SLC12A2: variants seen among roughly 807,000 people sequenced by gnomAD.
The protein encoded by SLC12A2 is solute carrier family 12 member 2, also known as Na-K-2Cl cotransporter 1.
Under a neutral mutation model 136.3 loss-of-function variants are expected in SLC12A2, and 67 were observed. The observed-to-expected ratio is 0.49, with a 90% CI of 0.40 to 0.60. SLC12A2 has a LOEUF of 0.60. Ranked by LOEUF, SLC12A2 falls within the 20% of genes least tolerant of loss-of-function variation. SLC12A2 has a pLI of 0.00. For missense variants in SLC12A2, 1,322 were observed against 1,534.7 expected (o/e 0.86, Z 2.32); for synonymous variants, 619 against 562.9 (o/e 1.10, Z -1.41).
At chr5:128,179,235 C>T (rs1242574235) in intron 22 of SLC12A2, among the ~76,000 whole-genome samples, 1 of 152,166 alleles carries the variant, frequency 6.6e-6, no homozygotes, top group East Asian at 1.9e-4. Flanking sequence ...ATTCTTGCAG[C>T]CTTCACCACT....
At chr5:128,161,572 C>A in intron 16 of SLC12A2, 88 bp from the exon 17 acceptor site, 1 of 793,558 alleles carries the variant, frequency 1.3e-6, no homozygotes, top group Non-Finnish European at 1.7e-6. Flanking sequence ...TCACCTGTTT[C>A]AAGCCAGTAT....
intron 5 of SLC12A2, among the ~76,000 whole-genome samples, chr5:128,131,909 G>T (rs1456499884): frequency 1.3e-5 from 2 of 152,194 alleles, no homozygotes; most frequent in Non-Finnish European, 2.9e-5. Flanking sequence ...GGAGGCTGAG[G>T]CAGGGGAATT....
intron 1 of SLC12A2, among the ~76,000 whole-genome samples, chr5:128,092,958 C>A (rs1290543719): frequency 6.6e-6 from 1 of 152,160 alleles, no homozygotes; most frequent in Non-Finnish European, 1.5e-5. Flanking sequence ...TTTCCAGGTA[C>A]AAGCTCTTTC....
At chr5:128,146,311 T>A (rs1762525082) in intron 10 of SLC12A2, among the ~76,000 whole-genome samples, 1 of 151,794 alleles carries the variant, frequency 6.6e-6, no homozygotes, top group Non-Finnish European at 1.5e-5. Context: ...GTCCCAGTAA[T>A]GTCTTTTATA....
intron 4 of SLC12A2, among the ~76,000 whole-genome samples, chr5:128,124,564 G>A (rs1459549777): frequency 6.6e-6 from 1 of 152,190 alleles, no homozygotes; most frequent in African/African-American, 2.4e-5. Flanking sequence ...AAATAAAAGA[G>A]TTGAGTAAAG....
rs572710820 is a variant in SLC12A2 at position 128,111,049 on chromosome 5, A to G, written c.757-1765A>G. On this transcript the variant is annotated intron_variant, in intron 1 of 26. Coordinates refer to ENST00000262461, the MANE Select transcript of SLC12A2 (RefSeq NM_001046.3). ...ATGGTGCTCTGAAGACTCTTAACTAAAAAGAATTTTTTTAAGTATTAATTC... is the reference window on the plus strand; with the variant it reads ...ATGGTGCTCTGAAGACTCTTAACTAGAAAGAATTTTTTTAAGTATTAATTC... 217 of 646,834 alleles carry G rather than the reference A, an allele frequency of 3.4e-4. 1 individual carries two copies. The East Asian group carries it at 6.1e-3, about 18-fold the overall frequency. The allele number at this position is 646,834 out of a possible 1,614,324, so 40.1% of individuals were successfully genotyped here. A position where few individuals can be genotyped will look rare whatever the true frequency, so the allele number is the denominator to read the frequency against.
Position 128,135,775 on chromosome 5 carries a change from A to G in SLC12A2, c.1375A>G (p.Ser459Gly). ...FVIGTFIPLESKKPKGFFGYK... is the reference protein window; with the variant it reads ...FVIGTFIPLEGKKPKGFFGYK... ...CATAGGAACATTTATCCCACTGGAG[A>G]GCAAGAAGCCAAAAGGGTTTTTTGG... Residue 459 changes from serine to glycine, a missense_variant, in exon 7 of 27, where the codon AGC (serine) becomes GGC (glycine). Ser to Gly is a moderately conservative substitution (Grantham distance 56). Coordinates refer to ENST00000262461, the MANE Select transcript of SLC12A2 (RefSeq NM_001046.3). 1 of 1,610,968 alleles carries G rather than the reference A, an allele frequency of 6.2e-7. No individual in the cohort carries two copies. Among genetic ancestry groups the G allele is most frequent in the Non-Finnish European group, 8.5e-7 (1 of 1,177,694 alleles).
At chr5:128,171,545 A>C in intron 18 of SLC12A2, 122 bp from the exon 19 acceptor site, 1 of 664,308 alleles carries the variant, frequency 1.5e-6, no homozygotes, top group Non-Finnish European at 2.6e-6. Flanking sequence ...CATGTTTTAA[A>C]AATCAGACGT....
At chr5:128,115,447 T>C (rs1044913609) in intron 4 of SLC12A2, among the ~76,000 whole-genome samples, 8 of 152,136 alleles carry the variant, frequency 5.3e-5, no homozygotes, top group Non-Finnish European at 1.0e-4. Context: ...ATTCATACTT[T>C]CAAGTCTAGC....
intron 22 of SLC12A2, among the ~76,000 whole-genome samples, chr5:128,180,052 C>G (rs1248831363): frequency 6.9e-6 from 1 of 143,948 alleles, no homozygotes; most frequent in Non-Finnish European, 1.5e-5. Flanking sequence ...CCACTGAAAG[C>G]TCCGCCTCCC....
intron 26 of SLC12A2, 125 bp from the exon 27 acceptor site, chr5:128,186,371 A>G: frequency 1.0e-6 from 1 of 967,024 alleles, no homozygotes. Context: ...ACTCAGAAAT[A>G]TTCTGTAATT....
chr5:128,109,670 T>C, intron 1 of SLC12A2: 1 of 950,790 alleles, frequency 1.1e-6, no homozygotes, highest in Non-Finnish European at 1.7e-6. Context: ...TAGCTTCACA[T>C]CTTCTCCAGG....
At chr5:128,145,265 C>G (rs750459943) in intron 10 of SLC12A2, among the ~76,000 whole-genome samples, 2 of 152,002 alleles carry the variant, frequency 1.3e-5, no homozygotes, top group Non-Finnish European at 2.9e-5. Context: ...TGCCTTACTC[C>G]TACAATGCAG....
intron 4 of SLC12A2, among the ~76,000 whole-genome samples, chr5:128,116,415 A>G (rs1036072631): frequency 1.6e-4 from 23 of 139,578 alleles, no homozygotes; most frequent in African/African-American, 6.2e-4. Context: ...ATATATATAT[A>G]TATCTCTTTA....
chr5:128,136,771 TA>T (rs1762204771), intron 7 of SLC12A2, among the ~76,000 whole-genome samples: 1 of 152,162 alleles, frequency 6.6e-6, no homozygotes, highest in East Asian at 1.9e-4. Context: ...GCTGACCTTC[TA>T]ACTATACACT....
chr5:128,164,309 G>T (rs1466358418), intron 17 of SLC12A2, among the ~76,000 whole-genome samples: 3 of 152,088 alleles, frequency 2.0e-5, no homozygotes, highest in Non-Finnish European at 4.4e-5. Context: ...TGTAAATTTG[G>T]CAGGAGCTAG....
intron 7 of SLC12A2, among the ~76,000 whole-genome samples, chr5:128,136,217 G>T (rs1159226776): frequency 2.0e-5 from 3 of 152,112 alleles, no homozygotes; most frequent in African/African-American, 7.2e-5. Context: ...TTTTTCAAGA[G>T]TGCAGGCCAT....
chr5:128,130,950 A>G, intron 4 of SLC12A2, 117 bp from the exon 5 acceptor site: 1 of 884,126 alleles, frequency 1.1e-6, no homozygotes, highest in South Asian at 1.6e-5. Context: ...TGCCTCTTTA[A>G]CTGCTCTGCT....
intron 1 of SLC12A2, among the ~76,000 whole-genome samples, chr5:128,101,270 A>G (rs532441134): frequency 2.3e-4 from 35 of 152,282 alleles, no homozygotes; most frequent in Non-Finnish European, 4.6e-4. Context: ...AATTGTTAGA[A>G]TAAAACCGGC....
Sources: gnomAD v4.1 joint callset for allele counts (sites outside exome capture counted in the v4.1 genomes callset) on GRCh38, gnomAD v4.1.1 for gene constraint, MANE v1.5 for transcripts, NCBI Gene and HGNC (gene_info 2026-07-23, HGNC 2026-07-21) for gene names.